PLD5: variants seen among roughly 807,000 people sequenced by gnomAD.
PLD5 encodes the protein phospholipase D family member 5.
PLD5 carries 36 observed loss-of-function variants against 61.1 expected under a neutral mutation model. The ratio of observed to expected loss-of-function variants is 0.59; its 90% CI spans 0.45 to 0.78. PLD5 has a LOEUF of 0.78. PLD5 is among the 30% of genes least tolerant of loss of function. The pLI, the probability that PLD5 is intolerant of heterozygous loss-of-function variation, is 0.00. For missense variants in PLD5, 515 were observed against 644.4 expected, an observed-to-expected ratio of 0.80 and a Z score of 2.17; for synonymous variants, 243 against 242.8, an observed-to-expected ratio of 1.00 and a Z score of -0.01.
chr1:242,506,104 C>A (rs1398099678), intron 1 of PLD5, among the ~76,000 whole-genome samples: 1 of 152,156 alleles, frequency 6.6e-6, no homozygotes, highest in Non-Finnish European at 1.5e-5. Flanking sequence ...CAGTAAGTGA[C>A]AGGCATCTAC....
intron 2 of PLD5, among the ~76,000 whole-genome samples, chr1:242,298,897 G>A (rs1437108830): frequency 1.3e-5 from 2 of 152,032 alleles, no homozygotes; most frequent in Non-Finnish European, 2.9e-5. Flanking sequence ...GGAAAACGGT[G>A]GAACGTAATG....
intron 4 of PLD5, among the ~76,000 whole-genome samples, chr1:242,246,462 C>A (rs561712173): frequency 7.6e-6 from 1 of 130,894 alleles, no homozygotes; most frequent in African/African-American, 2.7e-5. Context: ...CCACCCTATA[C>A]TTGCATAGAA....
chr1:242,482,900 T>C (rs1345338160), intron 1 of PLD5, among the ~76,000 whole-genome samples: 3 of 152,200 alleles, frequency 2.0e-5, no homozygotes, highest in Admixed American at 6.5e-5. Context: ...TGGGGGCCAA[T>C]ATTCAACATT....
At chr1:242,482,779 A>C (rs536533135) in intron 1 of PLD5, among the ~76,000 whole-genome samples, 2 of 152,326 alleles carry the variant, frequency 1.3e-5, no homozygotes, top group Non-Finnish European at 2.9e-5. Context: ...AGTTGAAATG[A>C]AGGAAAAAAT....
chr1:242,426,787 T>A (rs1665451822), intron 1 of PLD5, among the ~76,000 whole-genome samples: 1 of 152,222 alleles, frequency 6.6e-6, no homozygotes, highest in African/African-American at 2.4e-5. Flanking sequence ...GTTGACCAAA[T>A]CTATTTCTTT....
intron 5 of PLD5, among the ~76,000 whole-genome samples, chr1:242,155,445 G>T (rs918214254): frequency 2.0e-5 from 3 of 152,050 alleles, no homozygotes; most frequent in African/African-American, 7.2e-5. Flanking sequence ...TGATGTTAGG[G>T]TGTCAATTTT....
intron 1 of PLD5, among the ~76,000 whole-genome samples, chr1:242,496,793 A>G (rs916972519): frequency 6.6e-6 from 1 of 152,244 alleles, no homozygotes; most frequent in African/African-American, 2.4e-5. Flanking sequence ...CCTGAATGTT[A>G]GCTCATCCCT....
At chr1:242,345,669 A>C (rs1660089414) in intron 2 of PLD5, 1 of 794,862 alleles carries the variant, frequency 1.3e-6, no homozygotes, top group Non-Finnish European at 2.3e-6. Flanking sequence ...CACTGACCTA[A>C]AGCCCACAGG....
chr1:242,395,778 A>T (rs1387854576), intron 1 of PLD5, among the ~76,000 whole-genome samples: 3 of 152,136 alleles, frequency 2.0e-5, no homozygotes, highest in African/African-American at 7.2e-5. Context: ...GGCTGGGTGC[A>T]GTGGCTCACG....
At chr1:242,177,328 C>T (rs6429336) in intron 5 of PLD5, among the ~76,000 whole-genome samples, 2,728 of 152,186 alleles carry the variant, frequency 0.018, 86 homozygotes, top group African/African-American at 0.062. Flanking sequence ...GAAAACCAAA[C>T]ACCACATGTT....
intron 9 of PLD5, among the ~76,000 whole-genome samples, chr1:242,096,205 G>A (rs934036286): frequency 6.6e-6 from 1 of 152,106 alleles, no homozygotes; most frequent in East Asian, 1.9e-4. Flanking sequence ...TGATCCGCCT[G>A]CCTTGGCCTC....
At chr1:242,394,232 A>ATATGAG (rs1233308755) in intron 1 of PLD5, among the ~76,000 whole-genome samples, 2 of 85,584 alleles carry the variant, frequency 2.3e-5, no homozygotes, top group East Asian at 5.8e-4. Flanking sequence ...ATGTGTATAT[A>ATATGAG]TATGAGTATA....
intron 2 of PLD5, among the ~76,000 whole-genome samples, chr1:242,344,927 C>A (rs1448296963): frequency 6.6e-6 from 1 of 152,182 alleles, no homozygotes; most frequent in Non-Finnish European, 1.5e-5. Context: ...ATGAAACGCT[C>A]TTCTTACATG....
chr1:242,361,560 T>C (rs1661064370), intron 1 of PLD5, among the ~76,000 whole-genome samples: 1 of 152,136 alleles, frequency 6.6e-6, no homozygotes, highest in African/African-American at 2.4e-5. Flanking sequence ...TCATCTAAAC[T>C]TCACAAGACA....
chr1:242,486,354 A>G (rs1667959823), intron 1 of PLD5, among the ~76,000 whole-genome samples: 1 of 152,236 alleles, frequency 6.6e-6, no homozygotes, highest in Admixed American at 6.5e-5. Context: ...ACAAGAACTC[A>G]AACAAATTTA....
rs566294102 is a variant in PLD5 at position 242,097,032 on chromosome 1, G to A, written c.1354+3636C>T. ...TTTTGTCCTTGTGATAGTTTGCTGA[G>A]AATGATGGTTTCCAGCTTCATCCAT... On this transcript the variant is annotated intron_variant, in intron 9 of 9. Transcript: ENST00000536534. Among the ~76,000 whole-genome samples the A allele has an allele frequency of 1.9e-3, 293 of 152,108 alleles. 1 individual carries two copies. Among genetic ancestry groups the A allele is most frequent in the Non-Finnish European group, 3.8e-3 (256 of 68,016 alleles).
intron 4 of PLD5, among the ~76,000 whole-genome samples, chr1:242,231,883 G>T (rs1671327422): frequency 6.6e-6 from 1 of 151,050 alleles, no homozygotes; most frequent in African/African-American, 2.4e-5. Context: ...TCCTATCCAG[G>T]GGCAGTAATA....
rs186194518 is a variant in PLD5 at position 242,088,363 on chromosome 1, T to C, written c.*1491A>G. 1.3e-5 allele frequency: 2 copies of C among 152,354 alleles called. No homozygotes were observed. The highest frequency in any genetic ancestry group is 4.8e-5 in the African/African-American group (2 of 41,586). The allele number at this position is 152,354 out of a possible 1,614,324, so 9.4% of individuals were successfully genotyped here. On this transcript the variant is annotated 3_prime_UTR_variant, in exon 10 of 10. Coordinates refer to ENST00000536534, the MANE Select transcript of PLD5 (RefSeq NM_001372062.1). ...GAAGCTGTGAATTTGTTTTCCTTTG[T>C]GGATTCTGGGGGAGGACCTGGTGTT...
chr1:242,343,704 T>C (rs1406412284), intron 2 of PLD5, among the ~76,000 whole-genome samples: 2 of 150,024 alleles, frequency 1.3e-5, no homozygotes, highest in Admixed American at 1.3e-4. Flanking sequence ...GAGGCTGCCC[T>C]GAGGACAAGG....
Sources: allele counts gnomAD v4.1 joint callset (sites outside exome capture counted in the v4.1 genomes callset), GRCh38; gene constraint gnomAD v4.1.1; transcripts MANE v1.5; gene names NCBI Gene and HGNC (gene_info 2026-07-23, HGNC 2026-07-21).